ITGB3BP: variants seen among roughly 807,000 people sequenced by gnomAD.
ITGB3BP encodes the protein centromere protein R.
A neutral mutation model predicts 29.1 loss-of-function variants in ITGB3BP; 27 were observed. The observed-to-expected ratio is 0.93, with a 90% CI of 0.68 to 1.28. The LOEUF is 1.28. ITGB3BP is among the 50% of genes most tolerant of loss of function. ITGB3BP has a pLI of 0.00. For missense variants in ITGB3BP, 192 were observed against 200.2 expected, an observed-to-expected ratio of 0.96 and a Z score of 0.25; for synonymous variants, 61 against 61.4, an observed-to-expected ratio of 0.99 and a Z score of 0.03.
At chr1:63,473,688 T>A (rs1422818112) in intron 4 of ITGB3BP, among the ~76,000 whole-genome samples, 1 of 70,098 alleles carries the variant, frequency 1.4e-5, no homozygotes, top group African/African-American at 5.6e-5. Context: ...GCCCCCTGCC[T>A]GGCCAGCCGC....
chr1:63,527,428 C>T (rs1164273758), upstream of ITGB3BP, among the ~76,000 whole-genome samples: 1 of 70,084 alleles, frequency 1.4e-5, no homozygotes, highest in Non-Finnish European at 2.5e-5. Context: ...TCATCTATAT[C>T]CTTCTGCCAC....
chr1:63,518,952 A>T (rs1255092924), intron 1 of ITGB3BP, among the ~76,000 whole-genome samples: 1 of 152,186 alleles, frequency 6.6e-6, no homozygotes, highest in Admixed American at 6.5e-5. Context: ...ATAATAATAC[A>T]GTACTACTTC....
chr1:63,503,908 T>TGAATAGG (rs1646004147), intron 2 of ITGB3BP, among the ~76,000 whole-genome samples: 1 of 152,100 alleles, frequency 6.6e-6, no homozygotes, highest in African/African-American at 2.4e-5. Context: ...CTGTTTTGGT[T>TGAATAGG]ACTGTAGCCT....
chr1:63,498,128 C>T (rs1645836251), intron 2 of ITGB3BP, among the ~76,000 whole-genome samples: 1 of 152,094 alleles, frequency 6.6e-6, no homozygotes, highest in African/African-American at 2.4e-5. Context: ...CAATTCCCCG[C>T]ATTCAATAAT....
At chr1:63,494,598 A>G (rs1356143458) in intron 2 of ITGB3BP, among the ~76,000 whole-genome samples, 1 of 152,174 alleles carries the variant, frequency 6.6e-6, no homozygotes, top group East Asian at 1.9e-4. Context: ...TGAATTATAC[A>G]TTTGCTAAAA....
At chr1:63,498,598 TAA>T (rs1645847546) in intron 2 of ITGB3BP, among the ~76,000 whole-genome samples, 1 of 151,374 alleles carries the variant, frequency 6.6e-6, no homozygotes, top group African/African-American at 2.4e-5. Context: ...ATAACTATGT[TAA>T]AAGAGACAGC....
chr1:63,505,279 A>T (rs1302912121), intron 2 of ITGB3BP, among the ~76,000 whole-genome samples: 1 of 151,796 alleles, frequency 6.6e-6, no homozygotes, highest in East Asian at 1.9e-4. Context: ...TTTCTTCTAG[A>T]TTTTCTAGTT....
At chr1:63,475,444 A>G (rs1165959332) in intron 4 of ITGB3BP, among the ~76,000 whole-genome samples, 1 of 152,172 alleles carries the variant, frequency 6.6e-6, no homozygotes, top group Non-Finnish European at 1.5e-5. Flanking sequence ...ACTTCTAGCT[A>G]CTCAGGAGGC....
At chr1:63,519,460 C>T (rs894125247) in intron 1 of ITGB3BP, among the ~76,000 whole-genome samples, 10 of 151,980 alleles carry the variant, frequency 6.6e-5, no homozygotes, top group Admixed American at 6.6e-4. Context: ...TGAGAGCCAC[C>T]ACGCTCAGCC....
intron 1 of ITGB3BP, among the ~76,000 whole-genome samples, chr1:63,510,830 T>C (rs905624642): frequency 5.3e-5 from 8 of 152,214 alleles, no homozygotes; most frequent in Non-Finnish European, 1.0e-4. Context: ...ATTCTTAATA[T>C]TATATTAGAA....
chr1:63,528,695 A>G (rs1043414964), intron 2 of ITGB3BP, among the ~76,000 whole-genome samples: 4 of 152,258 alleles, frequency 2.6e-5, no homozygotes, highest in African/African-American at 9.6e-5. Context: ...ATCTCCAAAA[A>G]TTAAAGATTT....
intron 8 of ITGB3BP, among the ~76,000 whole-genome samples, chr1:63,444,546 A>G (rs1396149058): frequency 6.8e-6 from 1 of 147,580 alleles, no homozygotes; most frequent in East Asian, 1.9e-4. Context: ...AGGATATTAC[A>G]TATAGGACAT....
At chr1:63,502,498 A>G (rs919279740) in intron 2 of ITGB3BP, among the ~76,000 whole-genome samples, 4 of 136,604 alleles carry the variant, frequency 2.9e-5, no homozygotes, top group Admixed American at 8.1e-5. Context: ...TCATGGCGGG[A>G]GGCAAAAGGC....
rs764103399 is a variant in ITGB3BP, at chr1:63,454,488, T to C, written c.334-15A>G. ...CCCTCCAAAGCCTACAAGAAAGTCA[T>C]CTTGAATGAGTTAAGTTCTCTACAC... On this transcript the variant is annotated splice_polypyrimidine_tract_variant and intron_variant, in intron 5 of 8. Coordinates refer to ENST00000271002, the MANE Select transcript of ITGB3BP (RefSeq NM_014288.5). This position sits in a 1 kb window ranked among gnomAD's most constrained non-coding sequence, Gnocchi z 4.1. The C allele has an allele frequency of 5.0e-6, 7 of 1,396,402 alleles. No homozygotes were observed. Among genetic ancestry groups the C allele is most frequent in the Non-Finnish European group, 7.1e-6 (7 of 991,466 alleles). The allele number at this position is 1,396,402 out of a possible 1,614,324, so 86.5% of individuals were successfully genotyped here.
intron 4 of ITGB3BP, chr1:63,457,387 T>C (rs1476773781): frequency 6.6e-6 from 1 of 152,196 alleles, no homozygotes; most frequent in East Asian, 1.9e-4. Flanking sequence ...AAAGTAGATA[T>C]GCATTGCTAC....
intron 4 of ITGB3BP, among the ~76,000 whole-genome samples, chr1:63,473,615 A>T (rs1236990515): frequency 3.3e-5 from 3 of 90,774 alleles, no homozygotes; most frequent in African/African-American, 8.5e-5. Context: ...TCCGGGAGGG[A>T]GGTGGGGGGG....
intron 4 of ITGB3BP, among the ~76,000 whole-genome samples, chr1:63,466,260 G>T (rs1645098463): frequency 6.6e-6 from 1 of 152,260 alleles, no homozygotes; most frequent in South Asian, 2.1e-4. Flanking sequence ...AAAGCCTCTT[G>T]GCAATACGTT....
At chr1:63,460,680 A>G (rs1421245866) in intron 4 of ITGB3BP, among the ~76,000 whole-genome samples, 1 of 152,162 alleles carries the variant, frequency 6.6e-6, no homozygotes, top group Non-Finnish European at 1.5e-5. Context: ...GCTTGGTCTT[A>G]TGGTAATTAT....
At chr1:63,470,291 G>A (rs940406172) in intron 4 of ITGB3BP, among the ~76,000 whole-genome samples, 3 of 152,146 alleles carry the variant, frequency 2.0e-5, no homozygotes, top group African/African-American at 7.2e-5. Flanking sequence ...CCCCGACCGA[G>A]CTGGTCTCGG....
Sources: allele counts gnomAD v4.1 joint callset (sites outside exome capture counted in the v4.1 genomes callset), GRCh38; gene constraint gnomAD v4.1.1; non-coding constraint Gnocchi (gnomAD v3.1); transcripts MANE v1.5; gene names NCBI Gene and HGNC (gene_info 2026-07-23, HGNC 2026-07-21).